Variants in PCNX2 observed in about 807,000 individuals in gnomAD.
PCNX2 encodes pecanex 2, also known as pecanex-like protein 2.
Under a neutral mutation model 223.8 loss-of-function variants are expected in PCNX2, and 168 were observed. That is an observed-to-expected ratio of 0.75 (90% CI 0.66 to 0.85). PCNX2 has a LOEUF of 0.85. Among genes scored for constraint, PCNX2 ranks in the 40% least tolerant of loss-of-function variants. The probability of loss-of-function intolerance (pLI) is 0.00; values close to 1 mark genes in which losing one functional copy is unlikely to be tolerated. For synonymous variants in PCNX2, 1,006 were observed against 1,052.6 expected (o/e 0.96, Z 0.86); for missense variants, 2,507 against 2,675.5 (o/e 0.94, Z 1.39).
intron 15 of PCNX2, among the ~76,000 whole-genome samples, chr1:233,192,274 G>A (rs1433602110): frequency 1.3e-5 from 2 of 152,212 alleles, no homozygotes; most frequent in Admixed American, 1.3e-4. Context: ...CTGTGAGTTT[G>A]CGGTAGCTGT....
rs756787219 is a variant in PCNX2, at chr1:233,218,020, TG to T, written c.2658+10del. On this transcript the variant is annotated intron_variant, in intron 11 of 33. Coordinates refer to ENST00000258229, the MANE Select transcript of PCNX2 (RefSeq NM_014801.4). ...GCACACGCTACTGGTAAGAATTAGATGTGGTCTTGCCTTTAGCAGGGAGTAC... is the reference window on the plus strand; with the variant it reads ...GCACACGCTACTGGTAAGAATTAGATTGGTCTTGCCTTTAGCAGGGAGTAC... 6 of 1,611,164 alleles carry T rather than the reference TG, an allele frequency of 3.7e-6. No individual in the cohort carries two copies. The highest frequency in any genetic ancestry group is 5.1e-6 in the Non-Finnish European group (6 of 1,178,710).
At chr1:233,123,485 G>A (rs535912929) in intron 21 of PCNX2, among the ~76,000 whole-genome samples, 1 of 152,230 alleles carries the variant, frequency 6.6e-6, no homozygotes, top group Non-Finnish European at 1.5e-5. Flanking sequence ...GGGAGGCTGA[G>A]GCAGGAGAAT....
At chr1:233,178,926 GAGTGACCAGCT>G in intron 16 of PCNX2, 129 bp downstream of exon 16, 1 of 630,436 alleles carries the variant, frequency 1.6e-6, no homozygotes, top group Non-Finnish European at 2.7e-6. Flanking sequence ...CTCCTCTAGT[GAGTGACCAGCT>G]AGTTTAATAA....
chr1:233,256,979 A>C (rs1389418301), intron 5 of PCNX2, among the ~76,000 whole-genome samples: 1 of 152,192 alleles, frequency 6.6e-6, no homozygotes, highest in Non-Finnish European at 1.5e-5. Context: ...TTCAGTCAGC[A>C]TTCCTACCAT....
At chr1:232,985,813 G>T in intron 33 of PCNX2, 1 of 599,434 alleles carries the variant, frequency 1.7e-6, no homozygotes, top group Non-Finnish European at 3.0e-6. Context: ...TAGGGCAGAT[G>T]GCCACAGTTC....
intron 25 of PCNX2, chr1:233,047,291 G>A: frequency 2.8e-5 from 22 of 799,786 alleles, no homozygotes; most frequent in Non-Finnish European, 3.2e-5. Context: ...GATGAGACCA[G>A]AACATTTATT....
At chr1:233,179,000 G>T (rs1348677355) in intron 16 of PCNX2, 66 bp downstream of exon 16, 1 of 1,432,726 alleles carries the variant, frequency 7.0e-7, no homozygotes, top group Non-Finnish European at 9.7e-7. Flanking sequence ...TCTCAGTCAG[G>T]GCACAAAGCT....
intron 15 of PCNX2, among the ~76,000 whole-genome samples, chr1:233,182,462 C>T (rs1404765087): frequency 6.6e-6 from 1 of 152,174 alleles, no homozygotes; most frequent in Non-Finnish European, 1.5e-5. Context: ...AGATCCCACA[C>T]TCTGTCCTTT....
intron 3 of PCNX2, 31 bp downstream of exon 3, chr1:233,262,014 A>AGAG: frequency 5.0e-6 from 8 of 1,612,584 alleles, no homozygotes; most frequent in Non-Finnish European, 2.5e-6. Flanking sequence ...AATCACATGA[A>AGAG]GAGGGTGAAA....
intron 14 of PCNX2, 61 bp downstream of exon 14, chr1:233,200,093 A>C (rs1324795334): frequency 1.5e-6 from 2 of 1,322,312 alleles, no homozygotes; most frequent in African/African-American, 3.0e-5. Flanking sequence ...GCCTAAGGCT[A>C]TTTAGTCCTT....
chr1:233,169,226 C>T (rs531383624), intron 17 of PCNX2, among the ~76,000 whole-genome samples: 167 of 151,952 alleles, frequency 1.1e-3, no homozygotes, highest in African/African-American at 3.8e-3. Flanking sequence ...AAATCTAACT[C>T]GGGGTATTGT....
intron 1 of PCNX2, among the ~76,000 whole-genome samples, chr1:233,281,755 A>G (rs1661201486): frequency 6.6e-6 from 1 of 152,186 alleles, no homozygotes. Context: ...TCTGGCCACA[A>G]CCTTGTGGTG....
chr1:233,297,870 T>C (rs1276704403), upstream of PCNX2, among the ~76,000 whole-genome samples: 1 of 152,208 alleles, frequency 6.6e-6, no homozygotes, highest in Non-Finnish European at 1.5e-5. Context: ...TGAGGGATCA[T>C]ATATGATCTT....
At chr1:233,092,694 T>C (rs1226676983) in intron 22 of PCNX2, among the ~76,000 whole-genome samples, 1 of 152,244 alleles carries the variant, frequency 6.6e-6, no homozygotes, top group African/African-American at 2.4e-5. Flanking sequence ...GCCCTCTTTA[T>C]TTCTTTCTAA....
Position 233,191,021 on chromosome 1 carries a change from C to T in PCNX2, c.3066+7918G>A, listed in dbSNP as rs115742032. On this transcript the variant is annotated intron_variant, in intron 15 of 33. Transcript: ENST00000258229. ...CACATTTGGGGAGGTGAGGGAATAA[C>T]AGTATCTGTCCAGCAACTAGGTAAA... Among the ~76,000 whole-genome samples the T allele has an allele frequency of 4.1e-3, 621 of 152,304 alleles. 2 individuals are homozygous for T. The highest frequency in any genetic ancestry group is 0.014 in the African/African-American group (593 of 41,558).
At chr1:232,999,015 A>G (rs1558151525) in intron 31 of PCNX2, 90 bp downstream of exon 31, 2 of 1,410,114 alleles carry the variant, frequency 1.4e-6, no homozygotes, top group Non-Finnish European at 1.9e-6. Flanking sequence ...GGTGGCTGAC[A>G]GTGAAATCTG....
intron 21 of PCNX2, among the ~76,000 whole-genome samples, chr1:233,098,261 C>T (rs1674291504): frequency 6.6e-6 from 1 of 152,218 alleles, no homozygotes; most frequent in Non-Finnish European, 1.5e-5. Flanking sequence ...TCAGCTACAG[C>T]AACTATAATC....
chr1:233,138,522 T>G (rs1326493706), intron 20 of PCNX2, among the ~76,000 whole-genome samples: 2 of 152,058 alleles, frequency 1.3e-5, no homozygotes, highest in Non-Finnish European at 2.9e-5. Context: ...TCAGGGGGAG[T>G]TGCAGGGTCA....
intron 21 of PCNX2, among the ~76,000 whole-genome samples, chr1:233,125,252 T>C (rs1676029654): frequency 6.6e-6 from 1 of 152,242 alleles, no homozygotes; most frequent in Admixed American, 6.5e-5. Context: ...TCTTTCTTGC[T>C]TTCTATTATA....
Sources: gnomAD v4.1 joint callset for allele counts (sites outside exome capture counted in the v4.1 genomes callset) on GRCh38, gnomAD v4.1.1 for gene constraint, MANE v1.5 for transcripts, NCBI Gene and HGNC (gene_info 2026-07-23, HGNC 2026-07-21) for gene names.